BCKDHB: variants seen among roughly 807,000 people sequenced by gnomAD.
BCKDHB encodes the protein 2-oxoisovalerate dehydrogenase subunit beta, mitochondrial.
BCKDHB carries 41 observed loss-of-function variants against 48.5 expected under a neutral mutation model. The observed-to-expected ratio is 0.85, with a 90% confidence interval of 0.66 to 1.10. The LOEUF (loss-of-function observed/expected upper bound fraction) is 1.10. BCKDHB is among the 50% of genes least tolerant of loss of function. The pLI is 0.00. For missense variants in BCKDHB, 496 were observed against 494.2 expected (o/e 1.00, Z -0.03); for synonymous variants, 201 against 174.8 (o/e 1.15, Z -1.18).
At chr6:80,388,828 T>C in the BCKDHB span, among the ~76,000 whole-genome samples, 1 of 152,164 alleles carries the variant, frequency 6.6e-6, no homozygotes, top group Non-Finnish European at 1.5e-5. Context: ...CTACAGCCCC[T>C]TTTTAGGACA....
chr6:80,131,113 C>T (rs1770607277), intron 3 of BCKDHB, among the ~76,000 whole-genome samples: 1 of 152,178 alleles, frequency 6.6e-6, no homozygotes, highest in South Asian at 2.1e-4. Context: ...ACTCTGCTTA[C>T]CCCTTCTGTC....
intron 6 of BCKDHB, among the ~76,000 whole-genome samples, chr6:80,180,591 A>G (rs914412919): frequency 2.6e-5 from 4 of 152,186 alleles, no homozygotes; most frequent in African/African-American, 9.6e-5. Flanking sequence ...AAATCCTTGT[A>G]TTGTTTGTCT....
the BCKDHB span, among the ~76,000 whole-genome samples, chr6:80,411,843 G>C: frequency 1.3e-5 from 2 of 152,236 alleles, no homozygotes; most frequent in Non-Finnish European, 2.9e-5. Context: ...AGGCAGAAGT[G>C]TATCAGTTTT....
At chr6:80,171,960 T>C (rs534356218) in intron 6 of BCKDHB, among the ~76,000 whole-genome samples, 18 of 152,232 alleles carry the variant, frequency 1.2e-4, no homozygotes, top group Non-Finnish European at 2.6e-4. Flanking sequence ...TAGCAAATGA[T>C]TTTTTTCTGT....
At chr6:80,261,113 C>G (rs1409546903) in intron 8 of BCKDHB, among the ~76,000 whole-genome samples, 1 of 152,146 alleles carries the variant, frequency 6.6e-6, no homozygotes, top group Non-Finnish European at 1.5e-5. Flanking sequence ...ATATTTGTTT[C>G]GTGACTCTTG....
At chr6:80,360,054 T>C in the BCKDHB span, among the ~76,000 whole-genome samples, 1 of 152,210 alleles carries the variant, frequency 6.6e-6, no homozygotes, top group African/African-American at 2.4e-5. Flanking sequence ...GATTTTTAAC[T>C]GTTAAAATGG....
the BCKDHB span, among the ~76,000 whole-genome samples, chr6:80,378,087 A>G: frequency 1.2e-3 from 187 of 152,298 alleles, no homozygotes; most frequent in African/African-American, 4.4e-3. Context: ...GTTGTAAATA[A>G]AACTGTTTTT....
chr6:80,274,018 C>T (rs1165792906), intron 9 of BCKDHB, among the ~76,000 whole-genome samples: 2 of 151,932 alleles, frequency 1.3e-5, no homozygotes, highest in Non-Finnish European at 2.9e-5. Context: ...CTTCTCTTTA[C>T]TGGTGTGAAG....
the BCKDHB span, among the ~76,000 whole-genome samples, chr6:80,433,639 C>T: frequency 6.6e-6 from 1 of 152,120 alleles, no homozygotes; most frequent in Non-Finnish European, 1.5e-5. Flanking sequence ...ACTCGGCTCC[C>T]TGGCTTCAGC....
the BCKDHB span, among the ~76,000 whole-genome samples, chr6:80,462,352 A>G: frequency 6.6e-6 from 1 of 152,318 alleles, no homozygotes; most frequent in East Asian, 1.9e-4. Flanking sequence ...TAGGCACTCA[A>G]CAGATATGTT....
chr6:80,202,487 A>G (rs771240066), intron 7 of BCKDHB, among the ~76,000 whole-genome samples: 8 of 152,074 alleles, frequency 5.3e-5, no homozygotes, highest in East Asian at 1.9e-4. Context: ...ATATTTTTGT[A>G]GCTGTGAGTT....
chr6:80,198,914 A>C (rs2127819498), intron 6 of BCKDHB, among the ~76,000 whole-genome samples: 1 of 152,282 alleles, frequency 6.6e-6, no homozygotes, highest in East Asian at 1.9e-4. Context: ...ATATATCTAG[A>C]AGCAATACCC....
chr6:80,300,437 T>C (rs2127990735), intron 9 of BCKDHB, among the ~76,000 whole-genome samples: 1 of 152,254 alleles, frequency 6.6e-6, no homozygotes, highest in African/African-American at 2.4e-5. Context: ...TGATAAAGGG[T>C]ACAATCCAAT....
the BCKDHB span, among the ~76,000 whole-genome samples, chr6:80,387,308 G>A: frequency 6.6e-6 from 1 of 152,216 alleles, no homozygotes; most frequent in Non-Finnish European, 1.5e-5. Flanking sequence ...GACTGGCAGA[G>A]TGAGGGTTAT....
At chr6:80,307,831 T>C (rs559214825) in intron 9 of BCKDHB, 3 of 984,978 alleles carry the variant, frequency 3.0e-6, no homozygotes, top group South Asian at 9.4e-5. Flanking sequence ...ATGGAATGTG[T>C]CTATATGTGT....
chr6:80,215,207 G>GT (rs946456298), intron 8 of BCKDHB, among the ~76,000 whole-genome samples: 1 of 152,198 alleles, frequency 6.6e-6, no homozygotes, highest in Non-Finnish European at 1.5e-5. Flanking sequence ...GAGAAAACAG[G>GT]TAGGGCGGTG....
chr6:80,127,461 A>T, intron 1 of BCKDHB, 86 bp from the exon 2 acceptor site: 2 of 1,039,428 alleles, frequency 1.9e-6, no homozygotes, highest in Admixed American at 1.7e-5. Flanking sequence ...CCTTGATTTT[A>T]GTCAAGTTGT....
chr6:80,377,183 G>C, the BCKDHB span, among the ~76,000 whole-genome samples: 3 of 151,760 alleles, frequency 2.0e-5, no homozygotes, highest in Non-Finnish European at 2.9e-5. Context: ...TGGATTTACA[G>C]GTGCCCACCA....
the BCKDHB span, among the ~76,000 whole-genome samples, chr6:80,384,498 ACAGG>A: frequency 6.6e-6 from 1 of 152,024 alleles, no homozygotes; most frequent in Non-Finnish European, 1.5e-5. Flanking sequence ...AGGTGGGACT[ACAGG>A]CCCCTGCCAC....
Sources: allele counts gnomAD v4.1 joint callset (sites outside exome capture counted in the v4.1 genomes callset), GRCh38; gene constraint gnomAD v4.1.1; transcripts MANE v1.5; gene names NCBI Gene and HGNC (gene_info 2026-07-23, HGNC 2026-07-21).